The following SOX6 variants were observed in gnomAD, a reference collection of about 807,000 sequenced individuals.
SOX6 encodes transcription factor SOX-6.
In SOX6, 11 loss-of-function variants were observed where a neutral mutation model predicts 97.8. The observed-to-expected ratio is 0.11, with a 90% confidence interval of 0.07 to 0.19. The LOEUF is 0.19. Ranked by LOEUF, SOX6 falls within the 10% of genes least tolerant of loss-of-function variation. The pLI, the probability that SOX6 is intolerant of heterozygous loss-of-function variation, is 1.00. For missense variants in SOX6, 810 were observed against 1,039.5 expected (o/e 0.78, Z 3.04); for synonymous variants, 360 against 371.4 (o/e 0.97, Z 0.35).
chr11:16,287,141 G>A (rs141667695), intron 3 of SOX6, among the ~76,000 whole-genome samples: 11 of 152,112 alleles, frequency 7.2e-5, no homozygotes, highest in African/African-American at 2.2e-4. Context: ...GATGAAAAGC[G>A]TCACTCAAGA....
chr11:16,656,983 T>C (rs934450063), intron 3 of SOX6, among the ~76,000 whole-genome samples: 1 of 152,212 alleles, frequency 6.6e-6, no homozygotes, highest in African/African-American at 2.4e-5. Flanking sequence ...CCAAAGTCCA[T>C]AGTTTACATT....
chr11:16,556,070 T>C (rs909525534), intron 4 of SOX6, among the ~76,000 whole-genome samples: 1 of 151,388 alleles, frequency 6.6e-6, no homozygotes, highest in Non-Finnish European at 1.5e-5. Flanking sequence ...TATTCTAGAG[T>C]AACTCACATC....
At chr11:16,558,987 AC>A (rs1847778697) in intron 4 of SOX6, among the ~76,000 whole-genome samples, 1 of 152,076 alleles carries the variant, frequency 6.6e-6, no homozygotes, top group South Asian at 2.1e-4. Context: ...AATGAAATTC[AC>A]AAACAACCCT....
Position 16,605,603 on chromosome 11 carries a change from G to A in SOX6, n.609+6478C>T, listed in dbSNP as rs1041560383. On this transcript the variant is annotated intron_variant and non_coding_transcript_variant, in intron 4 of 5. Transcript: ENST00000524520. The surrounding 1 kb of genome is among the most constrained non-coding windows in gnomAD (Gnocchi z 5.3). ...GAGCGCAAGCGTTTTCTAGCGACCCGGGTTTTCTTCATGAACTCCTCCGAG... is the reference window on the plus strand; with the variant it reads ...GAGCGCAAGCGTTTTCTAGCGACCCAGGTTTTCTTCATGAACTCCTCCGAG... Among the ~76,000 whole-genome samples the A allele has an allele frequency of 6.6e-6, 1 of 152,056 alleles. No homozygotes were observed. The highest frequency in any genetic ancestry group is 2.4e-5 in the African/African-American group (1 of 41,400).
At chr11:16,106,422 T>TA (rs760047639) in intron 7 of SOX6, among the ~76,000 whole-genome samples, 1 of 151,750 alleles carries the variant, frequency 6.6e-6, no homozygotes, top group South Asian at 2.1e-4. Flanking sequence ...AGCTCAAAAT[T>TA]AAAACCTTTA....
intron 13 of SOX6, among the ~76,000 whole-genome samples, chr11:15,996,347 G>T (rs1390809324): frequency 6.6e-6 from 1 of 152,138 alleles, no homozygotes; most frequent in Non-Finnish European, 1.5e-5. Context: ...AATACAAAGA[G>T]GCCAGGCAAG....
chr11:16,494,475 G>A (rs889694587), intron 4 of SOX6, among the ~76,000 whole-genome samples: 4 of 152,084 alleles, frequency 2.6e-5, no homozygotes, highest in Admixed American at 6.6e-5. Flanking sequence ...TTTAAAAAGC[G>A]ATATACAAAA....
In SOX6 at chr11:16,508,030, C is replaced by G. The variant is rs528922336; in HGVS notation, n.610-31642G>C. Among the ~76,000 whole-genome samples, 9 of 151,628 alleles carry G rather than the reference C, an allele frequency of 5.9e-5. No individual in the cohort carries two copies. The East Asian group carries it at 1.6e-3, about 26-fold the overall frequency. On this transcript the variant is annotated intron_variant and non_coding_transcript_variant, in intron 4 of 5. Transcript: ENST00000524520. ...GAATTTACAAGAAACTAAAACAACT[C>G]AACTATTAAAAAAAAGGACAACTAA...
At chr11:16,093,915 T>C (rs941539260) in intron 9 of SOX6, among the ~76,000 whole-genome samples, 2 of 151,910 alleles carry the variant, frequency 1.3e-5, no homozygotes, top group Non-Finnish European at 2.9e-5. Context: ...CCAATAAACA[T>C]GCTATACTCA....
At chr11:16,430,685 G>T (rs541419946) in intron 1 of SOX6, among the ~76,000 whole-genome samples, 1 of 152,236 alleles carries the variant, frequency 6.6e-6, no homozygotes, top group South Asian at 2.1e-4. Context: ...CCAGCCTCCA[G>T]AACTGTGAAA....
intron 3 of SOX6, chr11:16,318,064 C>G (rs1855803336): frequency 2.5e-6 from 1 of 404,326 alleles, no homozygotes; most frequent in Admixed American, 2.9e-5. Context: ...TTTAATTTTG[C>G]TTTTTAAACA....
intron 4 of SOX6, among the ~76,000 whole-genome samples, chr11:16,500,375 G>T (rs1860683595): frequency 6.6e-6 from 1 of 152,172 alleles, no homozygotes; most frequent in Non-Finnish European, 1.5e-5. Context: ...GCAAAAACTG[G>T]AAGCATTCCC....
intron 3 of SOX6, among the ~76,000 whole-genome samples, chr11:16,623,964 T>C (rs995426142): frequency 2.0e-5 from 3 of 152,132 alleles, no homozygotes; most frequent in African/African-American, 7.2e-5. Flanking sequence ...CAAAAAGATA[T>C]CTCCTGCCCC....
intron 13 of SOX6, among the ~76,000 whole-genome samples, chr11:16,014,150 A>T (rs747764034): frequency 1.3e-5 from 2 of 152,046 alleles, no homozygotes. Context: ...CAACATTACT[A>T]CTGAAGTGCT....
At chr11:16,611,881 G>T (rs574979871) in intron 4 of SOX6, among the ~76,000 whole-genome samples, 2 of 152,198 alleles carry the variant, frequency 1.3e-5, no homozygotes, top group Non-Finnish European at 2.9e-5. Flanking sequence ...CACAAAGGAG[G>T]TGGGGAAAAG....
chr11:16,568,742 T>G (rs575968635), intron 4 of SOX6, among the ~76,000 whole-genome samples: 1 of 152,326 alleles, frequency 6.6e-6, no homozygotes, highest in African/African-American at 2.4e-5. Flanking sequence ...TCCTTTTATG[T>G]GCTCCAACAG....
chr11:16,604,117 CGCCGGCCCTTG>C (rs1256749294), intron 4 of SOX6, among the ~76,000 whole-genome samples: 2 of 152,260 alleles, frequency 1.3e-5, no homozygotes, highest in Non-Finnish European at 2.9e-5. Context: ...GGATCAGCTT[CGCCGGCCCTTG>C]GCCGGTTCAG....
intron 6 of SOX6, among the ~76,000 whole-genome samples, chr11:16,145,651 A>C (rs1170635051): frequency 2.0e-5 from 3 of 152,228 alleles, no homozygotes; most frequent in African/African-American, 4.8e-5. Flanking sequence ...ACTTCAGCAA[A>C]GTCTCAGGAT....
intron 4 of SOX6, among the ~76,000 whole-genome samples, chr11:16,558,771 T>C (rs1236712124): frequency 6.6e-6 from 1 of 152,026 alleles, no homozygotes; most frequent in Non-Finnish European, 1.5e-5. Flanking sequence ...GTACAGTAAG[T>C]GTACTCTCCT....
Sources: allele counts gnomAD v4.1 joint callset (sites outside exome capture counted in the v4.1 genomes callset), GRCh38; gene constraint gnomAD v4.1.1; non-coding constraint Gnocchi (gnomAD v3.1); transcripts MANE v1.5; gene names NCBI Gene and HGNC (gene_info 2026-07-23, HGNC 2026-07-21).